Variants in SLC7A5 observed in about 807,000 individuals in gnomAD.
SLC7A5 encodes large neutral amino acids transporter small subunit 1.
Under a neutral mutation model 50.2 loss-of-function variants are expected in SLC7A5, and 23 were observed. The observed-to-expected ratio is 0.46, with a 90% CI of 0.33 to 0.65. The LOEUF is 0.65. Among genes scored for constraint, SLC7A5 ranks in the 30% least tolerant of loss-of-function variants. The probability of loss-of-function intolerance (pLI) is 0.02; values close to 1 mark genes in which losing one functional copy is unlikely to be tolerated. For missense variants in SLC7A5, 578 were observed against 684.4 expected, an observed-to-expected ratio of 0.84 and a Z score of 1.73; for synonymous variants, 393 against 330.6, an observed-to-expected ratio of 1.19 and a Z score of -2.05.
intron 2 of SLC7A5, among the ~76,000 whole-genome samples, chr16:87,844,180 C>A (rs945610991): frequency 2.7e-5 from 4 of 150,940 alleles, no homozygotes; most frequent in Admixed American, 6.6e-5. Context: ...GGCCCTCCAG[C>A]CCCTTCCTTG....
In SLC7A5 at chr16:87,852,430, C is replaced by T. The variant is rs761412845; in HGVS notation, c.539-581G>A. 1.3e-5 allele frequency among the ~76,000 whole-genome samples: 2 copies of T among 152,200 alleles called. No individual in the cohort carries two copies. Among genetic ancestry groups the T allele is most frequent in the Non-Finnish European group, 2.9e-5 (2 of 68,036 alleles). Reference sequence around the variant, plus strand: ...AGGGGCCACAGGGGCCTGTGGTGAGCAGAGCAGACCCTGCTGCCCTGCTGC... The same window carrying T: ...AGGGGCCACAGGGGCCTGTGGTGAGTAGAGCAGACCCTGCTGCCCTGCTGC... On this transcript the variant is annotated intron_variant, in intron 1 of 9. Coordinates refer to ENST00000261622, the MANE Select transcript of SLC7A5 (RefSeq NM_003486.7). The surrounding 1 kb of genome is among the most constrained non-coding windows in gnomAD (Gnocchi z 4.5).
At chr16:87,868,082 C>G (rs1220016503) in intron 1 of SLC7A5, among the ~76,000 whole-genome samples, 1 of 148,178 alleles carries the variant, frequency 6.7e-6, no homozygotes, top group Non-Finnish European at 1.5e-5. Flanking sequence ...TGCCACTGTA[C>G]TCCAGCCTGG....
chr16:87,860,763 G>A lies in SLC7A5; in HGVS notation c.538+8122C>T, dbSNP rs1413544809. Among the ~76,000 whole-genome samples the A allele has an allele frequency of 2.0e-5, 3 of 152,276 alleles. No homozygotes were observed. The highest frequency in any genetic ancestry group is 3.4e-3 in the Middle Eastern group (1 of 294). ...ATGACTCAGCAGGGATCGAGTTTGCGGGCGTCACGCTCCAAGGCCCAGAAT... is the reference window on the plus strand; with the variant it reads ...ATGACTCAGCAGGGATCGAGTTTGCAGGCGTCACGCTCCAAGGCCCAGAAT... On this transcript the variant is annotated intron_variant, in intron 1 of 9. Transcript: ENST00000261622. This position sits in a 1 kb window ranked among gnomAD's most constrained non-coding sequence, Gnocchi z 4.8.
chr16:87,840,253 C>T (rs2055065883), intron 4 of SLC7A5, among the ~76,000 whole-genome samples, 176 bp downstream of exon 4: 1 of 152,238 alleles, frequency 6.6e-6, no homozygotes, highest in South Asian at 2.1e-4. Context: ...AAACCGTGCT[C>T]AAGGACACAC....
At chr16:87,854,451 C>A in intron 1 of SLC7A5, among the ~76,000 whole-genome samples, 1 of 152,196 alleles carries the variant, frequency 6.6e-6, no homozygotes, top group East Asian at 1.9e-4. Context: ...ACCTTTCGAC[C>A]TTAAGGAGGC....
Position 87,860,579 on chromosome 16 carries a change from C to A in SLC7A5, c.538+8306G>T, listed in dbSNP as rs1480851171. Among the ~76,000 whole-genome samples, 3 of 152,140 alleles carry A rather than the reference C, an allele frequency of 2.0e-5. No individual in the cohort carries two copies. The highest frequency in any genetic ancestry group is 7.2e-5 in the African/African-American group (3 of 41,430). On this transcript the variant is annotated intron_variant, in intron 1 of 9. Transcript: ENST00000261622. This position sits in a 1 kb window ranked among gnomAD's most constrained non-coding sequence, Gnocchi z 4.8. The stretch of plus-strand genomic sequence containing the variant: ...ATGAACTCCAGCTGTGGCCCACCCC[C>A]TGGGGCACATGTCCTCAGGGCCTCC...
chr16:87,839,090 G>A (rs1019624807), intron 5 of SLC7A5, among the ~76,000 whole-genome samples: 3 of 152,234 alleles, frequency 2.0e-5, no homozygotes, highest in African/African-American at 7.2e-5. Context: ...ACGGCCTGCA[G>A]GTGGGGATCT....
chr16:87,833,315 G>A lies in SLC7A5; in HGVS notation c.1469-290C>T, dbSNP rs538933972. On this transcript the variant is annotated intron_variant, in intron 9 of 9. Transcript: ENST00000261622. This position sits in a 1 kb window ranked among gnomAD's most constrained non-coding sequence, Gnocchi z 6.0. Reference sequence around the variant, plus strand: ...GCGGCCCCTGGGGCACACGAACCAGGCCCTGGTGTCTCAGCAAAGTGCAAC... The same window carrying A: ...GCGGCCCCTGGGGCACACGAACCAGACCCTGGTGTCTCAGCAAAGTGCAAC... Among the ~76,000 whole-genome samples, 2 of 152,238 alleles carry A rather than the reference G, an allele frequency of 1.3e-5. No homozygotes were observed. Among genetic ancestry groups the A allele is most frequent in the South Asian group, 4.1e-4 (2 of 4,838 alleles).
Position 87,832,974 on chromosome 16 carries a change from G to A in SLC7A5, c.1520C>T (p.Thr507Ile), listed in dbSNP as rs1011735126. The part of the protein sequence containing the change: ...QKLMQVVPQE[T>I] The stretch of plus-strand genomic sequence containing the variant: ...GGCAGCCACTCGGCCTCCTGGCTAT[G>A]TCTCCTGGGGGACCACCTGCATGAG... Residue 507 changes from threonine (T) to isoleucine (I), a missense_variant, in exon 10 of 10, where the codon ACA becomes ATA. Thr to Ile is a moderately conservative substitution (Grantham distance 89). Transcript: ENST00000261622. This position sits in a 1 kb window ranked among gnomAD's most constrained non-coding sequence, Gnocchi z 4.6. 1.2e-6 allele frequency: 2 copies of A among 1,613,584 alleles called. No individual in the cohort carries two copies. The highest frequency in any genetic ancestry group is 1.7e-4 in the Middle Eastern group (1 of 6,058).
intron 2 of SLC7A5, among the ~76,000 whole-genome samples, chr16:87,849,143 C>A (rs558751964): frequency 6.6e-6 from 1 of 152,336 alleles, no homozygotes; most frequent in Non-Finnish European, 1.5e-5. Flanking sequence ...AAATTGAGGC[C>A]GGAGTCTCTG....
At chr16:87,859,186 A>C (rs1017587982) in intron 1 of SLC7A5, among the ~76,000 whole-genome samples, 1 of 152,204 alleles carries the variant, frequency 6.6e-6, no homozygotes, top group Admixed American at 6.5e-5. Flanking sequence ...TCCGGGCCAC[A>C]CAGCTTGAGG....
At chr16:87,839,603 G>C in intron 5 of SLC7A5, 99 bp downstream of exon 5, 24 of 1,575,352 alleles carry the variant, frequency 1.5e-5, no homozygotes, top group Non-Finnish European at 2.1e-5. Context: ...CCTCTGCGTA[G>C]GGGAGGCTTA....
In SLC7A5 at chr16:87,833,924, G is replaced by A. The variant is rs2054964025; in HGVS notation, c.1468+490C>T. 2.0e-5 allele frequency among the ~76,000 whole-genome samples: 3 copies of A among 151,600 alleles called. No individual in the cohort carries two copies. The South Asian group carries it at 6.2e-4, about 32-fold the overall frequency. Reference sequence around the variant, plus strand: ...GCTGGAGTGCAATGGTGCGATCTCGGCTCACTGCAACCTCCGTCTCCCGGG... The same window carrying A: ...GCTGGAGTGCAATGGTGCGATCTCGACTCACTGCAACCTCCGTCTCCCGGG... On this transcript the variant is annotated intron_variant, in intron 9 of 9. Transcript: ENST00000261622. This position sits in a 1 kb window ranked among gnomAD's most constrained non-coding sequence, Gnocchi z 6.0.
rs779157899 is a variant in SLC7A5, at chr16:87,869,423, G to A, written c.-1C>T. 2.5e-5 allele frequency: 37 copies of A among 1,478,178 alleles called. No individual in the cohort carries two copies. The Admixed American group carries it at 9.5e-4, about 38-fold the overall frequency. 91.6% of individuals were successfully genotyped at this position (1,478,178 alleles called of 1,614,324 possible). ...GCCGCTTCGGGCCCGCACCCGCCAT[G>A]CTCTGCGCACCGGCCGGGCCTGGGA... On this transcript the variant is annotated 5_prime_UTR_variant, in exon 1 of 10. Transcript: ENST00000261622.
At position 87,832,068 on chromosome 16, in the gene SLC7A5, T is replaced by A. The variant is rs1214958236; in HGVS notation, c.*902A>T. 3 of 152,320 alleles carry A rather than the reference T, an allele frequency of 2.0e-5. No individual in the cohort carries two copies. Among genetic ancestry groups the A allele is most frequent in the African/African-American group, 7.2e-5 (3 of 41,450 alleles). 9.4% of individuals were successfully genotyped at this position (152,320 alleles called of 1,614,324 possible). Reference sequence around the variant, plus strand: ...CTGCGACCTCTGGGGCAGGGGACACTGCTGTGTGGAGCCCAGGGTGGGCGC... The same window carrying A: ...CTGCGACCTCTGGGGCAGGGGACACAGCTGTGTGGAGCCCAGGGTGGGCGC... On this transcript the variant is annotated 3_prime_UTR_variant, in exon 10 of 10. Transcript: ENST00000261622. The surrounding 1 kb of genome is among the most constrained non-coding windows in gnomAD (Gnocchi z 4.6).
intron 2 of SLC7A5, among the ~76,000 whole-genome samples, chr16:87,842,081 G>A (rs936395042): frequency 6.6e-6 from 1 of 152,164 alleles, no homozygotes; most frequent in African/African-American, 2.4e-5. Flanking sequence ...AGACCACTGC[G>A]CTTCAGGAAG....
intron 1 of SLC7A5, among the ~76,000 whole-genome samples, chr16:87,863,801 G>C (rs2055426333): frequency 6.6e-6 from 1 of 151,682 alleles, no homozygotes; most frequent in Non-Finnish European, 1.5e-5. Flanking sequence ...GCAAAACTGA[G>C]AACCTTGTTC....
chr16:87,833,576 C>G lies in SLC7A5; in HGVS notation c.1469-551G>C, dbSNP rs1441053915. ...TCCTGAATGACAGTTAATGCAGATC[C>G]CACTGCAAAGCTTGAGGCAAATGTT... On this transcript the variant is annotated intron_variant, in intron 9 of 9. Coordinates refer to ENST00000261622, the MANE Select transcript of SLC7A5 (RefSeq NM_003486.7). The surrounding 1 kb of genome is among the most constrained non-coding windows in gnomAD (Gnocchi z 6.0). Among the ~76,000 whole-genome samples the G allele has an allele frequency of 6.6e-6, 1 of 152,202 alleles. No homozygotes were observed. Among genetic ancestry groups the G allele is most frequent in the Non-Finnish European group, 1.5e-5 (1 of 68,030 alleles).
chr16:87,853,053 G>A lies in SLC7A5; in HGVS notation c.539-1204C>T, dbSNP rs570822634. 6.6e-6 allele frequency among the ~76,000 whole-genome samples: 1 copy of A among 152,320 alleles called. No homozygotes were observed. The highest frequency in any genetic ancestry group is 6.5e-5 in the Admixed American group (1 of 15,304). On this transcript the variant is annotated intron_variant, in intron 1 of 9. Coordinates refer to ENST00000261622, the MANE Select transcript of SLC7A5 (RefSeq NM_003486.7). This position sits in a 1 kb window ranked among gnomAD's most constrained non-coding sequence, Gnocchi z 4.4. ...CAGATCTCACAGCCCTCCCGGCACC[G>A]CACCACTAAGACTGCAGGAAGGTGA...
Sources: gnomAD v4.1 joint callset for allele counts (sites outside exome capture counted in the v4.1 genomes callset) on GRCh38, gnomAD v4.1.1 for gene constraint, Gnocchi (gnomAD v3.1) non-coding constraint, MANE v1.5 for transcripts, NCBI Gene and HGNC (gene_info 2026-07-23, HGNC 2026-07-21) for gene names.